The following CSMD3 variants were observed in gnomAD, a reference collection of about 807,000 sequenced individuals.
CSMD3 encodes the protein CUB and Sushi multiple domains 3, also known as CUB and sushi domain-containing protein 3.
A neutral mutation model predicts 435.2 loss-of-function variants in CSMD3; 177 were observed. That is an observed-to-expected ratio of 0.41 (90% CI 0.36 to 0.46). The LOEUF (loss-of-function observed/expected upper bound fraction) is 0.46. Ranked by LOEUF, CSMD3 falls within the 20% of genes least tolerant of loss-of-function variation. The pLI is 0.34. For synonymous variants in CSMD3, 1,656 were observed against 1,520.5 expected (o/e 1.09, Z -2.07); for missense variants, 4,265 against 4,504.6 (o/e 0.95, Z 1.52).
At chr8:113,359,422 G>A (rs760530451) in intron 1 of CSMD3, among the ~76,000 whole-genome samples, 4 of 152,182 alleles carry the variant, frequency 2.6e-5, no homozygotes, top group Non-Finnish European at 5.9e-5. Flanking sequence ...TCCCTAAAGT[G>A]CCTGAGAACC....
At chr8:112,862,893 C>T (rs953706331) in intron 10 of CSMD3, among the ~76,000 whole-genome samples, 11 of 152,018 alleles carry the variant, frequency 7.2e-5, no homozygotes, top group Non-Finnish European at 1.5e-4. Flanking sequence ...CAGGCTGTCG[C>T]CAAAATAATA....
intron 3 of CSMD3, among the ~76,000 whole-genome samples, chr8:113,216,596 A>G (rs1280734486): frequency 6.6e-6 from 1 of 152,010 alleles, no homozygotes; most frequent in African/African-American, 2.4e-5. Context: ...AAACAATTTA[A>G]AAGTGGACAA....
At chr8:112,492,860 A>G (rs1481958918) in intron 30 of CSMD3, among the ~76,000 whole-genome samples, 177 bp from the exon 31 acceptor site, 1 of 152,082 alleles carries the variant, frequency 6.6e-6, no homozygotes, top group Non-Finnish European at 1.5e-5. Context: ...ATAACATAGT[A>G]TAACAACCGT....
At chr8:112,348,744 A>G (rs1284777214) in intron 40 of CSMD3, among the ~76,000 whole-genome samples, 1 of 152,142 alleles carries the variant, frequency 6.6e-6, no homozygotes, top group Non-Finnish European at 1.5e-5. Context: ...TAAAAATACA[A>G]AATTATATAA....
intron 4 of CSMD3, among the ~76,000 whole-genome samples, chr8:113,139,589 C>T (rs564206682): frequency 6.6e-5 from 10 of 150,968 alleles, no homozygotes; most frequent in African/African-American, 2.2e-4. Flanking sequence ...GTAAGAAATA[C>T]ACTAAAAATG....
intron 4 of CSMD3, among the ~76,000 whole-genome samples, chr8:113,153,931 A>G (rs1055321057): frequency 6.6e-6 from 1 of 151,990 alleles, no homozygotes; most frequent in Non-Finnish European, 1.5e-5. Flanking sequence ...AAGAAAAAAA[A>G]CCCATCCAGT....
intron 3 of CSMD3, among the ~76,000 whole-genome samples, chr8:113,212,207 G>T (rs1285026155): frequency 6.6e-6 from 1 of 152,044 alleles, no homozygotes; most frequent in Non-Finnish European, 1.5e-5. Context: ...TAGGCAGATT[G>T]GTTCATTATT....
intron 10 of CSMD3, among the ~76,000 whole-genome samples, chr8:112,895,555 G>A (rs2130373878): frequency 6.6e-6 from 1 of 151,474 alleles, no homozygotes; most frequent in African/African-American, 2.4e-5. Flanking sequence ...TGAATAGGTG[G>A]ATGTAAGATG....
intron 2 of CSMD3, among the ~76,000 whole-genome samples, chr8:113,300,221 AT>A (rs1256955695): frequency 1.3e-5 from 2 of 151,874 alleles, no homozygotes; most frequent in Non-Finnish European, 2.9e-5. Context: ...GAACACATAT[AT>A]TTTTCATGAG....
At chr8:112,865,090 C>T (rs1368398187) in intron 10 of CSMD3, among the ~76,000 whole-genome samples, 1 of 152,168 alleles carries the variant, frequency 6.6e-6, no homozygotes, top group Non-Finnish European at 1.5e-5. Context: ...CCTAGCTTGT[C>T]TACCAATGTA....
intron 59 of CSMD3, among the ~76,000 whole-genome samples, chr8:112,275,442 G>T (rs1817953745): frequency 6.6e-6 from 1 of 152,096 alleles, no homozygotes; most frequent in Non-Finnish European, 1.5e-5. Flanking sequence ...AACTACTCAG[G>T]AAGCTGAGGC....
chr8:113,049,619 G>A (rs1444142531), intron 5 of CSMD3, among the ~76,000 whole-genome samples: 1 of 151,942 alleles, frequency 6.6e-6, no homozygotes, highest in Non-Finnish European at 1.5e-5. Flanking sequence ...GAAACAAAAG[G>A]GCAAACTATA....
intron 52 of CSMD3, among the ~76,000 whole-genome samples, chr8:112,302,964 A>C (rs1423913262): frequency 2.0e-5 from 3 of 151,946 alleles, no homozygotes; most frequent in Non-Finnish European, 4.4e-5. Flanking sequence ...ATTAATTGCA[A>C]TTCCTAAATT....
chr8:112,944,738 G>A (rs1247661605), intron 9 of CSMD3, among the ~76,000 whole-genome samples: 1 of 151,274 alleles, frequency 6.6e-6, no homozygotes, highest in Non-Finnish European at 1.5e-5. Context: ...GCCCTTTAAA[G>A]GACTTCTTTT....
intron 4 of CSMD3, among the ~76,000 whole-genome samples, chr8:113,103,678 TTATAATATAAA>T (rs1294308536): frequency 6.6e-6 from 1 of 151,998 alleles, no homozygotes; most frequent in Non-Finnish European, 1.5e-5. Context: ...GTTTAAAATA[TTATAATATAAA>T]TCTATCATCA....
chr8:112,408,818 A>T, intron 33 of CSMD3, 101 bp downstream of exon 33: 3 of 1,578,440 alleles, frequency 1.9e-6, no homozygotes, highest in Non-Finnish European at 2.6e-6. Flanking sequence ...AGTTTGCTTT[A>T]TTTCTTATAT....
At chr8:112,941,827 C>T (rs1019148125) in intron 9 of CSMD3, among the ~76,000 whole-genome samples, 1 of 151,516 alleles carries the variant, frequency 6.6e-6, no homozygotes, top group Non-Finnish European at 1.5e-5. Context: ...AAAATAATCA[C>T]AGAGAGTACA....
intron 13 of CSMD3, among the ~76,000 whole-genome samples, chr8:112,767,791 C>T (rs62516531): frequency 0.034 from 5,179 of 151,734 alleles, 122 homozygotes; most frequent in Non-Finnish European, 0.046. Context: ...CATAAATGAC[C>T]TTGCTGTTTA....
At chr8:113,359,305 GT>G (rs1377055432) in intron 1 of CSMD3, among the ~76,000 whole-genome samples, 1 of 152,172 alleles carries the variant, frequency 6.6e-6, no homozygotes, top group African/African-American at 2.4e-5. Flanking sequence ...TAGGCTTCAA[GT>G]TTTTCATCTG....
Sources: gnomAD v4.1 joint callset for allele counts (sites outside exome capture counted in the v4.1 genomes callset) on GRCh38, gnomAD v4.1.1 for gene constraint, MANE v1.5 for transcripts, NCBI Gene and HGNC (gene_info 2026-07-23, HGNC 2026-07-21) for gene names.